The following LGR6 variants were observed in gnomAD, a reference collection of about 807,000 sequenced individuals.
LGR6 encodes leucine rich repeat containing G protein-coupled receptor 6.
Under a neutral mutation model 69.4 loss-of-function variants are expected in LGR6, and 45 were observed. The ratio of observed to expected loss-of-function variants is 0.65; its 90% CI spans 0.51 to 0.83. LGR6 has a LOEUF of 0.83. Ranked by LOEUF, LGR6 falls within the 40% of genes least tolerant of loss-of-function variation. The pLI, the probability that LGR6 is intolerant of heterozygous loss-of-function variation, is 0.00. For synonymous variants in LGR6, 538 were observed against 555.0 expected, an observed-to-expected ratio of 0.97 and a Z score of 0.43; for missense variants, 1,108 against 1,246.7, an observed-to-expected ratio of 0.89 and a Z score of 1.68.
chr1:202,312,013 T>TAC (rs1653781988), intron 16 of LGR6, among the ~76,000 whole-genome samples: 1 of 152,190 alleles, frequency 6.6e-6, no homozygotes, highest in African/African-American at 2.4e-5. Flanking sequence ...ATGTCTGCTG[T>TAC]ACACTCCCTC....
rs1653500626 is a variant in LGR6 at position 202,309,044 on chromosome 1, G to A, written c.1281-7G>A. ...CTGCCAATAACCCTGACCATCCACTGTCCTAGGGACCTGACAGACAACCAG... is the reference window on the plus strand; with the variant it reads ...CTGCCAATAACCCTGACCATCCACTATCCTAGGGACCTGACAGACAACCAG... On this transcript the variant is annotated splice_polypyrimidine_tract_variant and splice_region_variant and intron_variant, in intron 14 of 17. Transcript: ENST00000367278. 5 of 1,613,756 alleles carry A rather than the reference G, an allele frequency of 3.1e-6. No individual in the cohort carries two copies. The highest frequency in any genetic ancestry group is 4.2e-6 in the Non-Finnish European group (5 of 1,179,932).
chr1:202,279,788 T>C (rs1463384086), intron 5 of LGR6, among the ~76,000 whole-genome samples: 1 of 152,246 alleles, frequency 6.6e-6, no homozygotes, highest in Non-Finnish European at 1.5e-5. Context: ...AGGTTTTCTC[T>C]CCGACACCAA....
chr1:202,312,348 T>C (rs1162624415), intron 16 of LGR6, among the ~76,000 whole-genome samples: 1 of 152,214 alleles, frequency 6.6e-6, no homozygotes, highest in Non-Finnish European at 1.5e-5. Flanking sequence ...AAAGAATTGC[T>C]GAACTTCTTT....
At chr1:202,286,253 C>G (rs1571966640) in intron 6 of LGR6, among the ~76,000 whole-genome samples, 1 of 152,298 alleles carries the variant, frequency 6.6e-6, no homozygotes, top group Non-Finnish European at 1.5e-5. Flanking sequence ...TGACAGAGCC[C>G]TCTGGGGATA....
At chr1:202,236,961 T>A (rs563522361) in intron 4 of LGR6, among the ~76,000 whole-genome samples, 1 of 152,242 alleles carries the variant, frequency 6.6e-6, no homozygotes, top group Admixed American at 6.5e-5. Context: ...TTCCTTCTCA[T>A]GACTGATATT....
intron 3 of LGR6, among the ~76,000 whole-genome samples, chr1:202,234,349 T>C (rs572329425): frequency 6.6e-6 from 1 of 152,130 alleles, no homozygotes; most frequent in Non-Finnish European, 1.5e-5. Context: ...TCCCCACCCA[T>C]TCCCACAGTG....
At chr1:202,197,500 A>AG (rs1658688293) in intron 1 of LGR6, 1 of 532,288 alleles carries the variant, frequency 1.9e-6, no homozygotes, top group African/African-American at 1.9e-5. Context: ...CTCCCTGGTT[A>AG]GGGCCTGTTC....
chr1:202,203,704 G>A, intron 1 of LGR6: 1 of 1,087,144 alleles, frequency 9.2e-7, no homozygotes, highest in Non-Finnish European at 1.4e-6. Flanking sequence ...GGCAGGGCCA[G>A]ATACTGCGTA....
intron 4 of LGR6, among the ~76,000 whole-genome samples, chr1:202,245,933 T>C (rs1374923704): frequency 5.3e-5 from 8 of 151,922 alleles, no homozygotes; most frequent in Admixed American, 6.6e-5. Context: ...CATCCATCCA[T>C]GCATCCATCC....
chr1:202,236,837 C>A (rs2148001204), intron 4 of LGR6, among the ~76,000 whole-genome samples: 1 of 152,270 alleles, frequency 6.6e-6, no homozygotes, highest in Non-Finnish European at 1.5e-5. Flanking sequence ...TGTGTCCGAA[C>A]AAAGGCCTCT....
chr1:202,209,519 C>A (rs1403297815), intron 1 of LGR6, among the ~76,000 whole-genome samples: 1 of 152,234 alleles, frequency 6.6e-6, no homozygotes, highest in Non-Finnish European at 1.5e-5. Context: ...GGGGCAGGAG[C>A]AGATTTTGTC....
At chr1:202,271,081 G>A (rs889389952) in intron 4 of LGR6, among the ~76,000 whole-genome samples, 2 of 152,184 alleles carry the variant, frequency 1.3e-5, no homozygotes, top group Non-Finnish European at 2.9e-5. Flanking sequence ...GTGGGAGAAC[G>A]AGAGGCGCTG....
intron 1 of LGR6, among the ~76,000 whole-genome samples, chr1:202,215,760 A>G (rs1433605480): frequency 6.6e-6 from 1 of 152,172 alleles, no homozygotes; most frequent in Non-Finnish European, 1.5e-5. Context: ...CTGCGTGTGT[A>G]TGTGACAAGG....
intron 4 of LGR6, among the ~76,000 whole-genome samples, chr1:202,257,533 G>A (rs1663873858): frequency 6.6e-6 from 1 of 152,098 alleles, no homozygotes; most frequent in South Asian, 2.1e-4. Flanking sequence ...ACATGTTCCA[G>A]CACAACATTT....
At chr1:202,275,172 G>T (rs1665442777) in intron 4 of LGR6, among the ~76,000 whole-genome samples, 1 of 152,236 alleles carries the variant, frequency 6.6e-6, no homozygotes, top group Admixed American at 6.5e-5. Flanking sequence ...GCCTTTGTGG[G>T]TAAGGCTGGG....
At position 202,292,757 on chromosome 1, in the gene LGR6, TTA is replaced by T. The variant is rs544389446; in HGVS notation, c.717-4747_717-4746del. 5.9e-5 allele frequency among the ~76,000 whole-genome samples: 9 copies of T among 152,380 alleles called. No homozygotes were observed. The South Asian group carries it at 1.9e-3, about 32-fold the overall frequency. On this transcript the variant is annotated intron_variant, in intron 6 of 17. Coordinates refer to ENST00000367278, the MANE Select transcript of LGR6 (RefSeq NM_001017403.2). ...TGACGGAAATGTTCTGCATCTGTTC[TTA>T]TATGATAGTTGCTTGCCACATGTTG...
chr1:202,296,948 A>G (rs1431489088), intron 6 of LGR6, among the ~76,000 whole-genome samples: 1 of 152,166 alleles, frequency 6.6e-6, no homozygotes, highest in Non-Finnish European at 1.5e-5. Flanking sequence ...TAATTTTCTG[A>G]TTATACATGT....
At chr1:202,288,086 C>T (rs1196196895) in intron 6 of LGR6, among the ~76,000 whole-genome samples, 1 of 152,214 alleles carries the variant, frequency 6.6e-6, no homozygotes, top group Non-Finnish European at 1.5e-5. Flanking sequence ...GTCACCCCCT[C>T]CTCAATCTAG....
At chr1:202,242,591 C>G (rs913023650) in intron 4 of LGR6, among the ~76,000 whole-genome samples, 2 of 152,218 alleles carry the variant, frequency 1.3e-5, no homozygotes, top group African/African-American at 4.8e-5. Context: ...CTTGCCTTCT[C>G]TGGGTCTCAG....
Sources: gnomAD v4.1 joint callset for allele counts (sites outside exome capture counted in the v4.1 genomes callset) on GRCh38, gnomAD v4.1.1 for gene constraint, MANE v1.5 for transcripts, NCBI Gene and HGNC (gene_info 2026-07-23, HGNC 2026-07-21) for gene names.